TRPM3: variants seen among roughly 807,000 people sequenced by gnomAD.
TRPM3 encodes transient receptor potential cation channel subfamily M member 3, also known as long transient receptor potential channel 3.
TRPM3 carries 77 observed loss-of-function variants against 181.2 expected under a neutral mutation model. The observed-to-expected ratio is 0.42, with a 90% confidence interval of 0.35 to 0.51. TRPM3 has a LOEUF of 0.51. Among genes scored for constraint, TRPM3 ranks in the 20% least tolerant of loss-of-function variants. The probability of loss-of-function intolerance (pLI) is 0.01; values close to 1 mark genes in which losing one functional copy is unlikely to be tolerated. For synonymous variants in TRPM3, 745 were observed against 796.4 expected, an observed-to-expected ratio of 0.94 and a Z score of 1.09; for missense variants, 1,759 against 2,196.7, an observed-to-expected ratio of 0.80 and a Z score of 3.98.
In TRPM3 at chr9:71,100,458, T is replaced by A. The variant is rs75529404; in HGVS notation, c.177+20720A>T. ...TTTAAATCCCAGCTCATCACAACAG[T>A]TCCTTCAGTCTAATTAACCCTAGGA... On this transcript the variant is annotated intron_variant, in intron 1 of 25. Transcript: ENST00000677713. Among the ~76,000 whole-genome samples, 741 of 152,264 alleles carry A rather than the reference T, an allele frequency of 4.9e-3. 19 individuals are homozygous for A. The East Asian group carries it at 0.078, about 16-fold the overall frequency.
At chr9:71,048,383 G>A (rs1565070821) in intron 1 of TRPM3, among the ~76,000 whole-genome samples, 1 of 152,168 alleles carries the variant, frequency 6.6e-6, no homozygotes, top group Non-Finnish European at 1.5e-5. Flanking sequence ...ACACTGCCCA[G>A]CAGGTAGCCT....
At chr9:71,090,570 T>G (rs1281796075) in intron 1 of TRPM3, among the ~76,000 whole-genome samples, 1 of 152,152 alleles carries the variant, frequency 6.6e-6, no homozygotes, top group Non-Finnish European at 1.5e-5. Context: ...CAGTGCTCTT[T>G]CCTCTTGCCT....
chr9:70,654,642 T>A (rs1265021811), intron 9 of TRPM3, among the ~76,000 whole-genome samples: 1 of 151,122 alleles, frequency 6.6e-6, no homozygotes, highest in African/African-American at 2.4e-5. Context: ...AATCTAAGAA[T>A]GAGGAGTAAA....
At chr9:70,538,783 C>G (rs1251509684) in intron 25 of TRPM3, among the ~76,000 whole-genome samples, 1 of 152,188 alleles carries the variant, frequency 6.6e-6, no homozygotes, top group East Asian at 1.9e-4. Context: ...AACCTAATAC[C>G]TGCCAGGTGT....
chr9:70,695,698 T>C (rs978625201), intron 8 of TRPM3, among the ~76,000 whole-genome samples: 4 of 152,236 alleles, frequency 2.6e-5, no homozygotes, highest in African/African-American at 9.6e-5. Context: ...TGGTCACTTA[T>C]TGTGTACTTA....
At chr9:70,855,232 C>T (rs2095356086) in intron 3 of TRPM3, among the ~76,000 whole-genome samples, 1 of 152,198 alleles carries the variant, frequency 6.6e-6, no homozygotes. Context: ...CTTCATCAAA[C>T]CCACAGTAGG....
chr9:71,185,890 G>A (rs1191471800), intron 1 of TRPM3, among the ~76,000 whole-genome samples: 1 of 152,020 alleles, frequency 6.6e-6, no homozygotes, highest in Non-Finnish European at 1.5e-5. Context: ...CATTAACAAA[G>A]TACTGCAAAC....
chr9:70,548,574 C>T (rs1302919788), intron 25 of TRPM3, among the ~76,000 whole-genome samples: 1 of 152,188 alleles, frequency 6.6e-6, no homozygotes, highest in African/African-American at 2.4e-5. Flanking sequence ...TGACTAAAGT[C>T]GTCAATATGT....
At chr9:70,748,164 C>T (rs1469498317) in intron 8 of TRPM3, among the ~76,000 whole-genome samples, 1 of 152,056 alleles carries the variant, frequency 6.6e-6, no homozygotes, top group Non-Finnish European at 1.5e-5. Flanking sequence ...AAGTTGATAG[C>T]CTCAAATGCT....
Position 70,535,408 on chromosome 9 carries a change from G to A in TRPM3, c.*545C>T. ...GCATGAGAAGGATGTGGGACGTTAG[G>A]TAGAACTGCTTGCTGCCGGCTTATA... On this transcript the variant is annotated 3_prime_UTR_variant, in exon 26 of 26. Coordinates refer to ENST00000677713, the MANE Select transcript of TRPM3 (RefSeq NM_001366145.2). 2 of 1,550,386 alleles carry A rather than the reference G, an allele frequency of 1.3e-6. No individual in the cohort carries two copies. Among genetic ancestry groups the A allele is most frequent in the Non-Finnish European group, 1.7e-6 (2 of 1,146,916 alleles).
chr9:70,871,852 T>C (rs2095795410), intron 1 of TRPM3, among the ~76,000 whole-genome samples: 1 of 152,058 alleles, frequency 6.6e-6, no homozygotes, highest in Non-Finnish European at 1.5e-5. Flanking sequence ...CAATGGCAGA[T>C]ACCTTATTCT....
chr9:70,843,828 CT>C (rs1459113676), intron 4 of TRPM3, among the ~76,000 whole-genome samples: 1 of 152,138 alleles, frequency 6.6e-6, no homozygotes, highest in Non-Finnish European at 1.5e-5. Flanking sequence ...TTCTAATTCT[CT>C]TAACCTCCCT....
chr9:71,415,296 G>A (rs765456418), intron 1 of TRPM3, among the ~76,000 whole-genome samples: 1 of 152,054 alleles, frequency 6.6e-6, no homozygotes, highest in South Asian at 2.1e-4. Context: ...CTCTGTAACT[G>A]TGGGAGAATA....
At chr9:70,862,816 C>T in intron 3 of TRPM3, 92 bp downstream of exon 3, 2 of 1,338,882 alleles carry the variant, frequency 1.5e-6, no homozygotes, top group South Asian at 2.5e-5. Flanking sequence ...GAGATTAGGC[C>T]CAAAGACTAA....
chr9:71,106,218 A>T (rs1184929034), intron 1 of TRPM3, among the ~76,000 whole-genome samples: 1 of 152,162 alleles, frequency 6.6e-6, no homozygotes, highest in African/African-American at 2.4e-5. Flanking sequence ...GTGATACGCC[A>T]CTATTGACAA....
At chr9:70,975,959 C>T (rs1379259133) in intron 1 of TRPM3, among the ~76,000 whole-genome samples, 2 of 152,168 alleles carry the variant, frequency 1.3e-5, no homozygotes, top group South Asian at 2.1e-4. Flanking sequence ...ATAGTGGATA[C>T]GGCACATTTT....
intron 9 of TRPM3, among the ~76,000 whole-genome samples, chr9:70,673,162 G>C (rs984496068): frequency 2.0e-5 from 3 of 152,076 alleles, no homozygotes; most frequent in Non-Finnish European, 4.4e-5. Context: ...AATGCATGGA[G>C]TAGCAAGGGG....
chr9:71,281,748 C>T (rs1472646792), intron 1 of TRPM3, among the ~76,000 whole-genome samples: 2 of 152,096 alleles, frequency 1.3e-5, no homozygotes, highest in African/African-American at 2.4e-5. Context: ...ACATCCTCAA[C>T]AATGGTAAGG....
At chr9:71,438,085 C>G (rs1214294102) in intron 1 of TRPM3, among the ~76,000 whole-genome samples, 1 of 151,942 alleles carries the variant, frequency 6.6e-6, no homozygotes, top group Non-Finnish European at 1.5e-5. Flanking sequence ...ATACAATGGA[C>G]AGAGAAACAT....
Sources: gnomAD v4.1 joint callset for allele counts (sites outside exome capture counted in the v4.1 genomes callset) on GRCh38, gnomAD v4.1.1 for gene constraint, MANE v1.5 for transcripts, NCBI Gene and HGNC (gene_info 2026-07-23, HGNC 2026-07-21) for gene names.